The following KLF8 variants were observed in gnomAD, a reference collection of about 807,000 sequenced individuals.
KLF8 encodes the protein Krueppel-like factor 8.
In KLF8, 10 loss-of-function variants were observed where a neutral mutation model predicts 18.2. The observed-to-expected ratio is 0.55, with a 90% CI of 0.34 to 0.93. The LOEUF (loss-of-function observed/expected upper bound fraction) is 0.93. Among genes scored for constraint, KLF8 ranks in the 40% least tolerant of loss-of-function variants. KLF8 has a pLI of 0.02. For synonymous variants in KLF8, 109 were observed against 97.3 expected (o/e 1.12, Z -0.71); for missense variants, 264 against 277.9 (o/e 0.95, Z 0.36).
At chrX:56,062,827 C>T in the KLF8 span, among the ~76,000 whole-genome samples, 136 of 111,286 alleles carry the variant, frequency 1.2e-3, 1 homozygote, top group Admixed American at 3.3e-3. Context: ...GGTCTTTTCA[C>T]ACAGTCCCAT....
chrX:56,012,798 G>C, the KLF8 span, among the ~76,000 whole-genome samples: 1 of 111,210 alleles, frequency 9.0e-6, no homozygotes, highest in African/African-American at 3.3e-5. Context: ...GTAATTTATA[G>C]ATTCAGTGCT....
the KLF8 span, among the ~76,000 whole-genome samples, chrX:56,022,743 G>A: frequency 1.8e-5 from 2 of 108,765 alleles, no homozygotes; most frequent in African/African-American, 6.7e-5. Context: ...GGTAGAATGA[G>A]GTTGGAGCCT....
chrX:56,283,098 T>C (rs2147701391), intron 5 of KLF8, among the ~76,000 whole-genome samples: 1 of 112,014 alleles, frequency 8.9e-6, no homozygotes, highest in East Asian at 2.8e-4. Context: ...GTGTGTGATC[T>C]ATATACCATA....
chrX:56,163,048 T>C, the KLF8 span, among the ~76,000 whole-genome samples: 2 of 112,529 alleles, frequency 1.8e-5, no homozygotes, highest in Admixed American at 1.9e-4. Flanking sequence ...AGTGCTGCAG[T>C]AAACACATGC....
At chrX:55,918,336 G>A in the KLF8 span, among the ~76,000 whole-genome samples, 1 of 111,854 alleles carries the variant, frequency 8.9e-6, no homozygotes, top group Non-Finnish European at 1.9e-5. Flanking sequence ...CATTTTTCAT[G>A]TTCCTGGTCA....
the KLF8 span, among the ~76,000 whole-genome samples, chrX:55,951,459 T>C: frequency 2.4e-5 from 1 of 42,106 alleles, no homozygotes; most frequent in South Asian, 7.8e-4. Flanking sequence ...CTGGGCAACA[T>C]AAAAGCAAAA....
chrX:56,086,532 A>G, the KLF8 span, among the ~76,000 whole-genome samples: 2 of 111,478 alleles, frequency 1.8e-5, no homozygotes, highest in Non-Finnish European at 3.8e-5. Context: ...AGATTTGGAA[A>G]TAAGATCTAG....
chrX:56,068,952 A>T, the KLF8 span, among the ~76,000 whole-genome samples: 3 of 112,289 alleles, frequency 2.7e-5, no homozygotes, highest in Admixed American at 9.4e-5. Flanking sequence ...TATCCTGGGA[A>T]ACACCTGGTC....
chrX:56,152,328 A>G, the KLF8 span, among the ~76,000 whole-genome samples: 1 of 110,835 alleles, frequency 9.0e-6, no homozygotes, highest in East Asian at 2.9e-4. Context: ...GTCATTAGAT[A>G]TTAGAGATAT....
chrX:56,164,162 T>C, the KLF8 span, among the ~76,000 whole-genome samples: 1 of 107,048 alleles, frequency 9.3e-6, no homozygotes. Context: ...TTTTTTAGTG[T>C]CATTAATTCA....
chrX:56,039,213 G>T, the KLF8 span, among the ~76,000 whole-genome samples: 3 of 111,814 alleles, frequency 2.7e-5, no homozygotes, highest in African/African-American at 9.7e-5. Context: ...CTTTAGTTTA[G>T]TTAGATTTCA....
chrX:56,049,556 T>A, the KLF8 span, among the ~76,000 whole-genome samples: 1 of 106,718 alleles, frequency 9.4e-6, no homozygotes, highest in East Asian at 2.9e-4. Flanking sequence ...TCTGTTTATA[T>A]GCTGGATTAC....
chrX:56,016,643 T>C, the KLF8 span, among the ~76,000 whole-genome samples: 17 of 111,767 alleles, frequency 1.5e-4, no homozygotes, highest in African/African-American at 5.2e-4. Context: ...GATGGGAAAC[T>C]AAGGCATAAA....
At chrX:55,950,869 G>T in the KLF8 span, among the ~76,000 whole-genome samples, 20 of 111,914 alleles carry the variant, frequency 1.8e-4, no homozygotes, top group East Asian at 5.3e-3. Context: ...CTTGCATAAG[G>T]TAGGCACTTA....
At chrX:56,052,953 G>A in the KLF8 span, among the ~76,000 whole-genome samples, 1 of 111,983 alleles carries the variant, frequency 8.9e-6, no homozygotes, top group African/African-American at 3.2e-5. Context: ...AGCCAGGTGT[G>A]GGATATAATC....
At chrX:55,967,454 G>A in the KLF8 span, among the ~76,000 whole-genome samples, 1 of 109,646 alleles carries the variant, frequency 9.1e-6, no homozygotes, top group African/African-American at 3.3e-5. Flanking sequence ...GGAAAGAGTG[G>A]CATGTATTTA....
chrX:56,266,594 C>A, intron 3 of KLF8: 1 of 748,162 alleles, frequency 1.3e-6, no homozygotes, highest in South Asian at 6.8e-5. Flanking sequence ...GTTCAGAATT[C>A]AGAAAGGTAT....
the KLF8 span, among the ~76,000 whole-genome samples, chrX:56,104,347 C>A: frequency 9.0e-6 from 1 of 110,993 alleles, no homozygotes; most frequent in Non-Finnish European, 1.9e-5. Context: ...TGGTCCTGGA[C>A]TTTTTTTGGT....
At chrX:55,918,688 T>C in the KLF8 span, among the ~76,000 whole-genome samples, 1 of 111,885 alleles carries the variant, frequency 8.9e-6, no homozygotes, top group Admixed American at 9.5e-5. Context: ...AGTATAACTC[T>C]AATTTCTGTC....
Sources: gnomAD v4.1 joint callset for allele counts (sites outside exome capture counted in the v4.1 genomes callset) on GRCh38, gnomAD v4.1.1 for gene constraint, MANE v1.5 for transcripts, NCBI Gene and HGNC (gene_info 2026-07-23, HGNC 2026-07-21) for gene names.